The following GDPD4 variants were observed in gnomAD, a reference collection of about 807,000 sequenced individuals.
GDPD4 encodes glycerophosphodiester phosphodiesterase 6.
A neutral mutation model predicts 67.8 loss-of-function variants in GDPD4; 60 were observed. The observed-to-expected ratio is 0.88, with a 90% confidence interval of 0.72 to 1.10. The LOEUF (loss-of-function observed/expected upper bound fraction) is 1.10. Ranked by LOEUF, GDPD4 falls within the 50% of genes least tolerant of loss-of-function variation. The pLI is 0.00. For synonymous variants in GDPD4, 212 were observed against 210.9 expected (o/e 1.00, Z -0.04); for missense variants, 623 against 613.9 (o/e 1.01, Z -0.16).
chr11:77,299,327 A>G (rs1210497728), intron 1 of GDPD4, among the ~76,000 whole-genome samples: 1 of 152,188 alleles, frequency 6.6e-6, no homozygotes, highest in Non-Finnish European at 1.5e-5. Context: ...CACTTCCTTC[A>G]ATTCCTTGCT....
chr11:77,240,701 A>G (rs915787181), intron 13 of GDPD4, among the ~76,000 whole-genome samples: 1 of 152,190 alleles, frequency 6.6e-6, no homozygotes, highest in Non-Finnish European at 1.5e-5. Flanking sequence ...GAGAAAACCT[A>G]TGAAATGGGA....
At chr11:77,277,257 C>T (rs1382234123) in intron 4 of GDPD4, among the ~76,000 whole-genome samples, 1 of 151,772 alleles carries the variant, frequency 6.6e-6, no homozygotes, top group Non-Finnish European at 1.5e-5. Context: ...ATTGGTCTCT[C>T]TGCCCATAGC....
At chr11:77,229,855 C>T (rs1401264866) in intron 14 of GDPD4, among the ~76,000 whole-genome samples, 1 of 152,080 alleles carries the variant, frequency 6.6e-6, no homozygotes, top group East Asian at 1.9e-4. Context: ...CATCTATTTC[C>T]CAGAGCTCTG....
chr11:77,267,365 G>A (rs1321920517), intron 10 of GDPD4, among the ~76,000 whole-genome samples: 1 of 152,188 alleles, frequency 6.6e-6, no homozygotes, highest in Non-Finnish European at 1.5e-5. Flanking sequence ...AGATATGACT[G>A]TATTTAGTTT....
At chr11:77,256,696 T>G (rs1195714030) in intron 11 of GDPD4, among the ~76,000 whole-genome samples, 1 of 152,134 alleles carries the variant, frequency 6.6e-6, no homozygotes, top group Non-Finnish European at 1.5e-5. Context: ...TGAATTCTCA[T>G]TCTATTAGTT....
intron 11 of GDPD4, among the ~76,000 whole-genome samples, chr11:77,252,982 C>T (rs1958936284): frequency 6.6e-6 from 1 of 152,196 alleles, no homozygotes; most frequent in Non-Finnish European, 1.5e-5. Flanking sequence ...CAATCAACTG[C>T]CATGGTGCTG....
intron 5 of GDPD4, among the ~76,000 whole-genome samples, chr11:77,272,698 C>T (rs532576197): frequency 2.7e-4 from 41 of 152,088 alleles, no homozygotes; most frequent in African/African-American, 9.9e-4. Flanking sequence ...ATCGCTTGAA[C>T]CCGGGAGGCA....
intron 14 of GDPD4, among the ~76,000 whole-genome samples, chr11:77,229,942 A>G (rs1430782693): frequency 6.6e-6 from 1 of 152,116 alleles, no homozygotes; most frequent in Non-Finnish European, 1.5e-5. Flanking sequence ...CTTGATGCTA[A>G]TAGGGCTGGC....
intron 4 of GDPD4, among the ~76,000 whole-genome samples, chr11:77,278,305 C>A (rs1308434067): frequency 3.9e-5 from 6 of 152,188 alleles, no homozygotes; most frequent in African/African-American, 9.7e-5. Flanking sequence ...TGACCGTTCC[C>A]TCTCAGCAAG....
chr11:77,217,201 G>T lies in GDPD4; in HGVS notation c.*76C>A, dbSNP rs774838250. Reference sequence around the variant, plus strand: ...CCTTTCCACTCTTGGGTAGAGCCGGGTAGAGGGCTGCTAGAGTCCAAGGAC... The same window carrying T: ...CCTTTCCACTCTTGGGTAGAGCCGGTTAGAGGGCTGCTAGAGTCCAAGGAC... On this transcript the variant is annotated 3_prime_UTR_variant, in exon 17 of 17. Transcript: ENST00000315938. 2 of 1,096,204 alleles carry T rather than the reference G, an allele frequency of 1.8e-6. No individual in the cohort carries two copies. Among genetic ancestry groups the T allele is most frequent in the Non-Finnish European group, 2.8e-6 (2 of 706,674 alleles). 67.9% of individuals were successfully genotyped at this position (1,096,204 alleles called of 1,614,324 possible).
chr11:77,272,846 C>T (rs1162505394), intron 5 of GDPD4, among the ~76,000 whole-genome samples: 1 of 151,750 alleles, frequency 6.6e-6, no homozygotes, highest in Admixed American at 6.6e-5. Flanking sequence ...TAGGGTCTTT[C>T]CTCTCCCGTA....
intron 1 of GDPD4, among the ~76,000 whole-genome samples, chr11:77,293,629 C>T (rs1937854053): frequency 6.6e-6 from 1 of 151,440 alleles, no homozygotes; most frequent in South Asian, 2.1e-4. Context: ...ACCATACTAT[C>T]AAACTAAAAC....
At chr11:77,236,897 G>A (rs971083388) in intron 13 of GDPD4, among the ~76,000 whole-genome samples, 16 of 152,190 alleles carry the variant, frequency 1.1e-4, no homozygotes, top group Non-Finnish European at 2.2e-4. Flanking sequence ...TTGATCTTGA[G>A]AAGTCTGAGA....
intron 14 of GDPD4, among the ~76,000 whole-genome samples, chr11:77,230,883 C>T (rs1419989311): frequency 6.6e-6 from 1 of 152,184 alleles, no homozygotes; most frequent in Admixed American, 6.5e-5. Flanking sequence ...AAACATAACA[C>T]TGTGAGAACT....
chr11:77,301,067 A>G lies in GDPD4; in HGVS notation c.-254+538T>C, dbSNP rs1938143471. Among the ~76,000 whole-genome samples, 3 of 152,304 alleles carry G rather than the reference A, an allele frequency of 2.0e-5. No individual in the cohort carries two copies. The South Asian group carries it at 6.2e-4, about 32-fold the overall frequency. ...TTTGTGTCTAAGCACCAGCCAGCGT[A>G]GCCACGTTTACATGAAAATTCCTAA... On this transcript the variant is annotated intron_variant, in intron 1 of 16. Coordinates refer to ENST00000315938, the MANE Select transcript of GDPD4 (RefSeq NM_182833.3).
Position 77,227,939 on chromosome 11 carries a change from T to A in GDPD4, c.1473-23A>T, listed in dbSNP as rs775602603. On this transcript the variant is annotated intron_variant, in intron 15 of 16. Coordinates refer to ENST00000315938, the MANE Select transcript of GDPD4 (RefSeq NM_182833.3). ...CGCCTAGAAGGAAGCAGACCATCCA[T>A]GAAATGAAGGGGTCTAAAGAATCAT... 7 of 1,551,542 alleles carry A rather than the reference T, an allele frequency of 4.5e-6. No individual in the cohort carries two copies. The Admixed American group carries it at 8.4e-5, about 19-fold the overall frequency.
intron 13 of GDPD4, among the ~76,000 whole-genome samples, chr11:77,239,550 A>G (rs1294084125): frequency 1.3e-5 from 2 of 152,230 alleles, no homozygotes; most frequent in Non-Finnish European, 2.9e-5. Flanking sequence ...ACTAACAACT[A>G]CCTAACTGAT....
chr11:77,248,067 A>AAAAAG (rs1565520359), intron 11 of GDPD4, among the ~76,000 whole-genome samples: 5 of 151,248 alleles, frequency 3.3e-5, no homozygotes, highest in East Asian at 1.9e-4. Flanking sequence ...AAAAAAAAAA[A>AAAAAG]AAAAGAAAAG....
chr11:77,237,439 C>T (rs1247128370), intron 13 of GDPD4, among the ~76,000 whole-genome samples: 2 of 152,124 alleles, frequency 1.3e-5, no homozygotes, highest in Non-Finnish European at 2.9e-5. Flanking sequence ...AGCCTATCAA[C>T]CAACTTGAAC....
Sources: allele counts gnomAD v4.1 joint callset (sites outside exome capture counted in the v4.1 genomes callset), GRCh38; gene constraint gnomAD v4.1.1; transcripts MANE v1.5; gene names NCBI Gene and HGNC (gene_info 2026-07-23, HGNC 2026-07-21).